Variants in C12orf42 observed in about 807,000 individuals in gnomAD.
C12orf42 encodes the protein uncharacterized protein C12orf42.
Under a neutral mutation model 21.6 loss-of-function variants are expected in C12orf42, and 25 were observed. The observed-to-expected ratio is 1.16, with a 90% CI of 0.84 to 1.62. C12orf42 has a LOEUF of 1.62. C12orf42 is among the 40% of genes most tolerant of loss of function. The pLI, the probability that C12orf42 is intolerant of heterozygous loss-of-function variation, is 0.00. For synonymous variants in C12orf42, 174 were observed against 175.0 expected (o/e 0.99, Z 0.05); for missense variants, 483 against 459.3 (o/e 1.05, Z -0.47).
intron 4 of C12orf42, among the ~76,000 whole-genome samples, chr12:103,329,968 C>T (rs1227237117): frequency 6.6e-6 from 1 of 151,972 alleles, no homozygotes; most frequent in Non-Finnish European, 1.5e-5. Context: ...CTATTTTTCA[C>T]ATCATTAGAC....
the C12orf42 span, among the ~76,000 whole-genome samples, chr12:103,532,071 G>T: frequency 6.6e-6 from 1 of 152,120 alleles, no homozygotes; most frequent in African/African-American, 2.4e-5. Context: ...ATGCCTCAAA[G>T]AAACTCACCT....
intron 5 of C12orf42, among the ~76,000 whole-genome samples, chr12:103,273,034 T>C (rs921215199): frequency 5.9e-5 from 9 of 152,196 alleles, no homozygotes; most frequent in Non-Finnish European, 1.2e-4. Context: ...TGTTCCCTCA[T>C]AGACATGAAG....
chr12:103,511,436 A>G, the C12orf42 span, among the ~76,000 whole-genome samples: 1 of 151,824 alleles, frequency 6.6e-6, no homozygotes, highest in Non-Finnish European at 1.5e-5. Flanking sequence ...TAATGCATGC[A>G]TATGTATACC....
At chr12:103,261,942 C>T (rs1029052688) in intron 10 of C12orf42, among the ~76,000 whole-genome samples, 1 of 152,110 alleles carries the variant, frequency 6.6e-6, no homozygotes, top group Admixed American at 6.6e-5. Context: ...GGGAAAATAG[C>T]TGGTTGGTGC....
chr12:103,497,170 A>G (rs1955583228), upstream of C12orf42, among the ~76,000 whole-genome samples: 1 of 152,226 alleles, frequency 6.6e-6, no homozygotes, highest in Non-Finnish European at 1.5e-5. Context: ...TTTATCATTC[A>G]TATGCAAGAG....
intron 3 of C12orf42, among the ~76,000 whole-genome samples, chr12:103,393,837 T>C (rs534878510): frequency 6.6e-6 from 1 of 152,350 alleles, no homozygotes; most frequent in African/African-American, 2.4e-5. Context: ...CATAACTCTG[T>C]GCCTGTGATT....
At chr12:103,107,234 C>T in the C12orf42 span, among the ~76,000 whole-genome samples, 1 of 151,790 alleles carries the variant, frequency 6.6e-6, no homozygotes, top group Non-Finnish European at 1.5e-5. Context: ...TTTTATAAGT[C>T]ACGAAAAATT....
rs556885864 is a variant in C12orf42 at position 103,482,784 on chromosome 12, TTTTG to T, written c.-21-4341_-21-4338del. 2.3e-3 allele frequency among the ~76,000 whole-genome samples: 349 copies of T among 152,210 alleles called. 1 individual carries two copies. The highest frequency in any genetic ancestry group is 8.1e-3 in the African/African-American group (337 of 41,566). On this transcript the variant is annotated intron_variant, in intron 1 of 5. Coordinates refer to ENST00000548883, the MANE Select transcript of C12orf42 (RefSeq NM_198521.5). ...TTTTCCATGTCTTTTCACTTATTCT[TTTTG>T]TTTATTTTTTCTTTTTTGTCTCCCA... is the stretch of plus-strand genomic sequence containing the variant.
intron 10 of C12orf42, among the ~76,000 whole-genome samples, chr12:103,251,318 T>C (rs1304088016): frequency 4.6e-5 from 7 of 152,146 alleles, no homozygotes; most frequent in Admixed American, 3.9e-4. Context: ...TCCGTTGACA[T>C]CTCTTCCTCA....
chr12:103,050,735 T>C, the C12orf42 span, among the ~76,000 whole-genome samples: 3 of 152,076 alleles, frequency 2.0e-5, no homozygotes, highest in Admixed American at 6.6e-5. Flanking sequence ...ATACTAGATA[T>C]TATGGCAGGG....
At chr12:103,166,444 T>C in the C12orf42 span, among the ~76,000 whole-genome samples, 1 of 152,210 alleles carries the variant, frequency 6.6e-6, no homozygotes. Context: ...TTCCACTTGA[T>C]TTTCAAAACA....
At chr12:103,197,213 T>C in the C12orf42 span, among the ~76,000 whole-genome samples, 1 of 152,208 alleles carries the variant, frequency 6.6e-6, no homozygotes, top group Non-Finnish European at 1.5e-5. Flanking sequence ...GGTTGGAATT[T>C]ATTTTCATTA....
chr12:103,172,247 A>C, the C12orf42 span, among the ~76,000 whole-genome samples: 1 of 152,112 alleles, frequency 6.6e-6, no homozygotes, highest in Non-Finnish European at 1.5e-5. Context: ...CATGAAGCAA[A>C]GCAGGAAAGG....
intron 4 of C12orf42, among the ~76,000 whole-genome samples, chr12:103,311,695 C>G (rs922927885): frequency 1.3e-5 from 2 of 152,112 alleles, no homozygotes; most frequent in African/African-American, 4.8e-5. Flanking sequence ...AAGTCCAGAG[C>G]TTTTTGTTAC....
At chr12:103,302,586 C>G (rs1343778959) in intron 5 of C12orf42, 27 bp from the exon 6 acceptor site, 1 of 1,576,180 alleles carries the variant, frequency 6.3e-7, no homozygotes, top group African/African-American at 1.4e-5. Flanking sequence ...GAAAGCAGGA[C>G]AGAGATGAGG....
In C12orf42 at chr12:103,492,850, C is replaced by T. The variant is rs777596670; in HGVS notation, c.-22+3052G>A. Among the ~76,000 whole-genome samples the T allele has an allele frequency of 7.6e-4, 116 of 152,316 alleles. 1 individual carries two copies. Among genetic ancestry groups the T allele is most frequent in the Middle Eastern group, 3.4e-3 (1 of 294 alleles). ...TCCACACCCCCATCTTGATTCTCTTCCCCATCTCTGCAATGTGCACCACCA... is the reference window on the plus strand; with the variant it reads ...TCCACACCCCCATCTTGATTCTCTTTCCCATCTCTGCAATGTGCACCACCA... On this transcript the variant is annotated intron_variant, in intron 1 of 5. Transcript: ENST00000548883.
At chr12:103,063,818 A>T in the C12orf42 span, among the ~76,000 whole-genome samples, 4 of 152,188 alleles carry the variant, frequency 2.6e-5, no homozygotes, top group Non-Finnish European at 5.9e-5. Context: ...ATAAGCAGAA[A>T]TCTGGAGAAC....
the C12orf42 span, among the ~76,000 whole-genome samples, chr12:103,119,926 G>A: frequency 6.6e-6 from 1 of 152,148 alleles, no homozygotes; most frequent in African/African-American, 2.4e-5. Flanking sequence ...TTGATATGGT[G>A]GTACAACTCT....
the C12orf42 span, among the ~76,000 whole-genome samples, chr12:103,097,870 A>G: frequency 6.6e-6 from 1 of 152,220 alleles, no homozygotes; most frequent in African/African-American, 2.4e-5. Flanking sequence ...GCTTTTGATA[A>G]TAGTTCCATA....
Sources: allele counts gnomAD v4.1 joint callset (sites outside exome capture counted in the v4.1 genomes callset), GRCh38; gene constraint gnomAD v4.1.1; transcripts MANE v1.5; gene names NCBI Gene and HGNC (gene_info 2026-07-23, HGNC 2026-07-21).